RABGAP1: variants seen among roughly 807,000 people sequenced by gnomAD.
The protein encoded by RABGAP1 is RAB GTPase activating protein 1.
RABGAP1 carries 23 observed loss-of-function variants against 137.6 expected under a neutral mutation model. That is an observed-to-expected ratio of 0.17 (90% CI 0.12 to 0.24). The LOEUF (loss-of-function observed/expected upper bound fraction) is 0.24, where lower values mean the gene tolerates loss of function less well. RABGAP1 is among the 10% of genes least tolerant of loss of function. The probability of loss-of-function intolerance (pLI) is 1.00; values close to 1 mark genes in which losing one functional copy is unlikely to be tolerated. For synonymous variants in RABGAP1, 451 were observed against 450.7 expected (o/e 1.00, Z -0.01); for missense variants, 906 against 1,275.8 (o/e 0.71, Z 4.42).
chr9:123,056,038 G>A (rs2033680270), intron 13 of RABGAP1, among the ~76,000 whole-genome samples: 1 of 152,156 alleles, frequency 6.6e-6, no homozygotes, highest in Admixed American at 6.5e-5. Context: ...GATGTTCCAG[G>A]CTATCTGCCC....
intron 13 of RABGAP1, among the ~76,000 whole-genome samples, chr9:123,048,434 C>G (rs1484968367): frequency 6.6e-6 from 1 of 152,116 alleles, no homozygotes; most frequent in African/African-American, 2.4e-5. Flanking sequence ...AGACTTGGTC[C>G]TCTGTGTGTC....
At chr9:123,053,242 T>C (rs1454590140) in intron 13 of RABGAP1, among the ~76,000 whole-genome samples, 3 of 152,230 alleles carry the variant, frequency 2.0e-5, no homozygotes, top group Non-Finnish European at 4.4e-5. Context: ...TTGCAGACTT[T>C]TGTAGGACCA....
intron 17 of RABGAP1, 123 bp downstream of exon 17, chr9:123,074,551 G>A (rs2034455912): frequency 3.5e-6 from 4 of 1,127,096 alleles, no homozygotes; most frequent in Non-Finnish European, 4.9e-6. Context: ...TTATTTTATT[G>A]CTAGGAAATC....
chr9:122,988,022 T>G (rs1442902390), intron 4 of RABGAP1, among the ~76,000 whole-genome samples: 1 of 152,216 alleles, frequency 6.6e-6, no homozygotes, highest in Non-Finnish European at 1.5e-5. Flanking sequence ...ATTTTTCCCC[T>G]TAAGTATTTA....
chr9:123,049,925 G>T (rs570354979), intron 13 of RABGAP1, among the ~76,000 whole-genome samples: 10 of 152,246 alleles, frequency 6.6e-5, no homozygotes, highest in African/African-American at 2.4e-4. Context: ...AGATAGGTTT[G>T]TTAAGGTTCA....
chr9:123,040,508 C>T (rs978740504), intron 13 of RABGAP1, among the ~76,000 whole-genome samples: 2 of 152,056 alleles, frequency 1.3e-5, no homozygotes, highest in African/African-American at 2.4e-5. Flanking sequence ...TGACATATTA[C>T]GGTATTTCTT....
At chr9:123,012,654 A>T (rs770383263) in intron 11 of RABGAP1, among the ~76,000 whole-genome samples, 1 of 152,242 alleles carries the variant, frequency 6.6e-6, no homozygotes, top group Non-Finnish European at 1.5e-5. Flanking sequence ...ATCATGGAAC[A>T]CTAGAACATA....
In RABGAP1 at chr9:122,989,374, A is replaced by G. The variant is rs941492119; in HGVS notation, c.668A>G (p.Asp223Gly). ...YKILFCVRGH[D>G]GTPESDCFAF... ...ATCCTCTTCTGTGTCAGAGGGCATG[A>G]TGGAACTCCTGAGAGTGACTGTTTT... Residue 223 changes from aspartate (D) to glycine (G), a missense_variant, in exon 5 of 26, where the codon GAT (aspartate) becomes GGT (glycine). Around this residue, in one of 9 missense-constraint regions of RABGAP1, gnomAD observed 331 missense variants for 358.3 expected, o/e 0.92. Transcript: ENST00000373647. The G allele has an allele frequency of 9.9e-6, 16 of 1,613,946 alleles. No homozygotes were observed. The highest frequency in any genetic ancestry group is 1.4e-5 in the Non-Finnish European group (16 of 1,179,874).
chr9:123,084,506 C>G (rs1383195538), intron 19 of RABGAP1, among the ~76,000 whole-genome samples: 1 of 152,208 alleles, frequency 6.6e-6, no homozygotes, highest in African/African-American at 2.4e-5. Context: ...CCCTATGACT[C>G]CAGCTCAGCA....
chr9:122,964,478 C>T (rs1235484828), intron 2 of RABGAP1, among the ~76,000 whole-genome samples: 2 of 152,080 alleles, frequency 1.3e-5, no homozygotes, highest in Admixed American at 1.3e-4. Flanking sequence ...ATGATCATCT[C>T]AGTAGATGCA....
chr9:123,024,067 C>T (rs2031812017), intron 13 of RABGAP1, among the ~76,000 whole-genome samples: 1 of 152,082 alleles, frequency 6.6e-6, no homozygotes, highest in African/African-American at 2.4e-5. Context: ...ACCATTTTAA[C>T]CCAAGGACAA....
At chr9:123,079,058 G>A (rs1380201050) in intron 19 of RABGAP1, among the ~76,000 whole-genome samples, 2 of 151,908 alleles carry the variant, frequency 1.3e-5, no homozygotes, top group African/African-American at 2.4e-5. Context: ...GCAATTATAC[G>A]GATTTTCCTC....
chr9:123,042,033 T>C (rs1282462531), intron 13 of RABGAP1, among the ~76,000 whole-genome samples: 1 of 152,208 alleles, frequency 6.6e-6, no homozygotes, highest in African/African-American at 2.4e-5. Context: ...TTGGAAAAGC[T>C]GAACCACTCT....
At chr9:122,963,298 C>G (rs1316263146) in intron 2 of RABGAP1, among the ~76,000 whole-genome samples, 1 of 152,088 alleles carries the variant, frequency 6.6e-6, no homozygotes. Context: ...ATGAAGGGGA[C>G]AACTAGGCCA....
intron 13 of RABGAP1, among the ~76,000 whole-genome samples, chr9:123,057,127 G>A (rs1177110567): frequency 1.1e-4 from 16 of 147,954 alleles, no homozygotes; most frequent in Non-Finnish European, 1.7e-4. Flanking sequence ...CCTCCCTCCC[G>A]GACGGGGCGG....
intron 11 of RABGAP1, among the ~76,000 whole-genome samples, chr9:123,014,793 G>A (rs1206662056): frequency 6.6e-6 from 1 of 151,920 alleles, no homozygotes; most frequent in Non-Finnish European, 1.5e-5. Context: ...CAGGGCTGGG[G>A]AGACCTCAGG....
chr9:123,038,434 C>T (rs1428270592), intron 13 of RABGAP1, among the ~76,000 whole-genome samples: 1 of 152,110 alleles, frequency 6.6e-6, no homozygotes, highest in African/African-American at 2.4e-5. Context: ...CAGGGTTAGA[C>T]TCCCAGATGG....
intron 13 of RABGAP1, among the ~76,000 whole-genome samples, chr9:123,060,063 C>T (rs2033907033): frequency 6.6e-6 from 1 of 152,154 alleles, no homozygotes; most frequent in African/African-American, 2.4e-5. Flanking sequence ...GGTGGTAAAA[C>T]CTGCTGCCAT....
intron 1 of RABGAP1, among the ~76,000 whole-genome samples, chr9:122,945,147 C>CTTTTTTTTTTTTTTTTTTTGTTTT (rs202090815): frequency 1.3e-5 from 1 of 75,772 alleles, no homozygotes; most frequent in Non-Finnish European, 2.9e-5. Context: ...ATAGCTGTTG[C>CTTTTTTTTTTTTTTTTTTTGTTTT]TTTTTTTTTT....
Sources: allele counts gnomAD v4.1 joint callset (sites outside exome capture counted in the v4.1 genomes callset), GRCh38; gene constraint gnomAD v4.1.1; regional missense constraint gnomAD v4.1.1; transcripts MANE v1.5; gene names NCBI Gene and HGNC (gene_info 2026-07-23, HGNC 2026-07-21).